KIF2A: variants seen among roughly 807,000 people sequenced by gnomAD.
KIF2A encodes kinesin-like protein KIF2A.
In KIF2A, 22 loss-of-function variants were observed where a neutral mutation model predicts 100.2. The ratio of observed to expected loss-of-function variants is 0.22; its 90% CI spans 0.16 to 0.31. The LOEUF (loss-of-function observed/expected upper bound fraction) is 0.31. KIF2A is among the 10% of genes least tolerant of loss of function. The probability of loss-of-function intolerance (pLI) is 1.00; values close to 1 mark genes in which losing one functional copy is unlikely to be tolerated. For missense variants in KIF2A, 495 were observed against 898.7 expected (o/e 0.55, Z 5.74); for synonymous variants, 268 against 285.9 (o/e 0.94, Z 0.63).
chr5:62,369,089 A>G (rs1034604761), intron 16 of KIF2A, among the ~76,000 whole-genome samples: 11 of 152,162 alleles, frequency 7.2e-5, no homozygotes, highest in Non-Finnish European at 1.3e-4. Flanking sequence ...ATTCCTCCCT[A>G]ATATTGTGAA....
At chr5:62,313,749 A>G (rs927697911) in intron 1 of KIF2A, among the ~76,000 whole-genome samples, 7 of 152,088 alleles carry the variant, frequency 4.6e-5, no homozygotes, top group Admixed American at 1.3e-4. Context: ...CCTATACTCT[A>G]GTACCTATTT....
At chr5:62,333,312 C>G (rs1746749903) in intron 1 of KIF2A, among the ~76,000 whole-genome samples, 1 of 152,150 alleles carries the variant, frequency 6.6e-6, no homozygotes, top group African/African-American at 2.4e-5. Context: ...CAGGGTTTGC[C>G]TGTACTTTCC....
At chr5:62,364,855 G>A (rs1423782537) in intron 14 of KIF2A, among the ~76,000 whole-genome samples, 2 of 152,172 alleles carry the variant, frequency 1.3e-5, no homozygotes, top group Admixed American at 1.3e-4. Context: ...AGCACTTTGG[G>A]AGGCCGAGGC....
chr5:62,352,152 C>CAA (rs35310169), intron 4 of KIF2A, among the ~76,000 whole-genome samples: 22,867 of 118,574 alleles, frequency 0.19, 2,127 homozygotes, highest in East Asian at 0.41. Context: ...GACTTCATCT[C>CAA]AAAAAAAAAA....
Position 62,306,227 on chromosome 5 carries a change from C to A in KIF2A, c.-246C>A. The A allele has an allele frequency of 2.2e-6, 1 of 462,752 alleles. No homozygotes were observed. The highest frequency in any genetic ancestry group is 3.8e-6 in the Non-Finnish European group (1 of 262,438). 28.7% of individuals were successfully genotyped at this position (462,752 alleles called of 1,614,324 possible). A position where few individuals can be genotyped will look rare whatever the true frequency, so the allele number is the denominator to read the frequency against. On this transcript the variant is annotated 5_prime_UTR_variant, in exon 1 of 21. Transcript: ENST00000407818. ...TCCCACTCTACCCCGCGCCGTCTCACGGCCCCGGCCCTAGCTTCACCCCGA... is the reference window on the plus strand; with the variant it reads ...TCCCACTCTACCCCGCGCCGTCTCAAGGCCCCGGCCCTAGCTTCACCCCGA...
At chr5:62,345,530 G>C (rs1747519762) in intron 1 of KIF2A, among the ~76,000 whole-genome samples, 1 of 151,772 alleles carries the variant, frequency 6.6e-6, no homozygotes, top group Non-Finnish European at 1.5e-5. Context: ...GGGCACAGTG[G>C]CTCACACCTG....
At chr5:62,348,427 G>GAT (rs1747683615) in intron 3 of KIF2A, among the ~76,000 whole-genome samples, 1 of 152,156 alleles carries the variant, frequency 6.6e-6, no homozygotes, top group African/African-American at 2.4e-5. Context: ...TTTCTCAGGA[G>GAT]ATATAGATCA....
At chr5:62,323,056 A>G (rs1746185721) in intron 1 of KIF2A, among the ~76,000 whole-genome samples, 3 of 151,810 alleles carry the variant, frequency 2.0e-5, no homozygotes, top group Non-Finnish European at 4.4e-5. Flanking sequence ...CGGGAGTTCA[A>G]GACCAGCCTG....
At chr5:62,313,294 C>T (rs1046625660) in intron 1 of KIF2A, among the ~76,000 whole-genome samples, 1 of 152,062 alleles carries the variant, frequency 6.6e-6, no homozygotes, top group Non-Finnish European at 1.5e-5. Context: ...TCATATATGC[C>T]ATCTCTCCTC....
intron 8 of KIF2A, 44 bp from the exon 9 acceptor site, chr5:62,358,093 T>C: frequency 7.2e-7 from 1 of 1,390,128 alleles, no homozygotes; most frequent in Non-Finnish European, 9.7e-7. Context: ...TGAACTCAAA[T>C]GCTGTGAAAA....
chr5:62,336,907 C>G (rs1341078539), intron 1 of KIF2A, among the ~76,000 whole-genome samples: 1 of 152,068 alleles, frequency 6.6e-6, no homozygotes, highest in Non-Finnish European at 1.5e-5. Context: ...TACCAAAATA[C>G]TAGGAATGAA....
At chr5:62,311,546 A>T (rs1745552275) in intron 1 of KIF2A, among the ~76,000 whole-genome samples, 1 of 152,218 alleles carries the variant, frequency 6.6e-6, no homozygotes, top group Admixed American at 6.5e-5. Flanking sequence ...GAAAATCTTT[A>T]GAAAAGATTT....
chr5:62,355,510 A>G (rs1464050694), intron 7 of KIF2A, among the ~76,000 whole-genome samples: 2 of 152,180 alleles, frequency 1.3e-5, no homozygotes, highest in East Asian at 3.9e-4. Context: ...GGGAGGGCAA[A>G]GCAACACTTA....
At position 62,387,256 on chromosome 5, in the gene KIF2A, T is replaced by C. The variant is rs917831220; in HGVS notation, c.*1687T>C. 5.3e-5 allele frequency: 8 copies of C among 152,228 alleles called. No homozygotes were observed. Among genetic ancestry groups the C allele is most frequent in the African/African-American group, 1.2e-4 (5 of 41,464 alleles). The allele number at this position is 152,228 out of a possible 1,614,324, so 9.4% of individuals were successfully genotyped here. ...CAGGTTTTCTTGCAGCTGTAAGATATATTCTATTTGTGTTTATTTCAAAGG... is the reference window on the plus strand; with the variant it reads ...CAGGTTTTCTTGCAGCTGTAAGATACATTCTATTTGTGTTTATTTCAAAGG... On this transcript the variant is annotated 3_prime_UTR_variant, in exon 21 of 21. Coordinates refer to ENST00000407818, the MANE Select transcript of KIF2A (RefSeq NM_001098511.3).
chr5:62,382,720 A>G (rs1166038596), intron 20 of KIF2A, among the ~76,000 whole-genome samples: 1 of 143,940 alleles, frequency 6.9e-6, no homozygotes, highest in South Asian at 2.2e-4. Context: ...TGCAACCTCT[A>G]CCTCCCAGGT....
chr5:62,325,376 G>A (rs1580012056), intron 1 of KIF2A, among the ~76,000 whole-genome samples: 3 of 151,814 alleles, frequency 2.0e-5, no homozygotes, highest in South Asian at 2.1e-4. Flanking sequence ...CACCTGCCTC[G>A]GCCTCCAAAA....
intron 1 of KIF2A, among the ~76,000 whole-genome samples, chr5:62,343,880 T>C (rs1721290957): frequency 6.6e-6 from 1 of 152,206 alleles, no homozygotes; most frequent in Non-Finnish European, 1.5e-5. Flanking sequence ...TTACCGTTTA[T>C]ACATTTTTAT....
intron 1 of KIF2A, among the ~76,000 whole-genome samples, chr5:62,345,899 C>T (rs969722911): frequency 9.2e-5 from 14 of 151,826 alleles, no homozygotes; most frequent in African/African-American, 2.7e-4. Flanking sequence ...CCAGATGGAT[C>T]GGTAAGATGA....
chr5:62,357,677 C>T lies in KIF2A; in HGVS notation c.655-14C>T, dbSNP rs752433920. 2.6e-5 allele frequency: 37 copies of T among 1,409,234 alleles called. No individual in the cohort carries two copies. In the South Asian group the frequency reaches 3.4e-4, roughly 13 times the overall value. 87.3% of individuals were successfully genotyped at this position (1,409,234 alleles called of 1,614,324 possible). A position where few individuals can be genotyped will look rare whatever the true frequency, so the allele number is the denominator to read the frequency against. ...CACTAATAATCACTGAAATAAAATA[C>T]TTTTTATTTCTAGATTGATGAACAT... On this transcript the variant is annotated splice_polypyrimidine_tract_variant and intron_variant, in intron 7 of 20. Transcript: ENST00000407818.
Sources: allele counts gnomAD v4.1 joint callset (sites outside exome capture counted in the v4.1 genomes callset), GRCh38; gene constraint gnomAD v4.1.1; transcripts MANE v1.5; gene names NCBI Gene and HGNC (gene_info 2026-07-23, HGNC 2026-07-21).